SMYD3: variants seen among roughly 807,000 people sequenced by gnomAD.
SMYD3 encodes histone-lysine N-methyltransferase SMYD3.
A neutral mutation model predicts 57.7 loss-of-function variants in SMYD3; 36 were observed. The observed-to-expected ratio is 0.62, with a 90% confidence interval of 0.48 to 0.82. SMYD3 has a LOEUF of 0.82. Ranked by LOEUF, SMYD3 falls within the 40% of genes least tolerant of loss-of-function variation. The probability of loss-of-function intolerance (pLI) is 0.00; values close to 1 mark genes in which losing one functional copy is unlikely to be tolerated. For missense variants in SMYD3, 515 were observed against 538.8 expected (o/e 0.96, Z 0.44); for synonymous variants, 211 against 195.0 (o/e 1.08, Z -0.68).
chr1:245,786,216 G>T lies in SMYD3; in HGVS notation c.1077-22067C>A, dbSNP rs555385006. ...CTGAGTTGAGTTGGGGTGTGGACGG[G>T]GGGGGGATGGTGGCAACAGAATATT... On this transcript the variant is annotated intron_variant, in intron 10 of 11. Coordinates refer to ENST00000490107, the MANE Select transcript of SMYD3 (RefSeq NM_001167740.2). Among the ~76,000 whole-genome samples the T allele has an allele frequency of 4.1e-4, 57 of 138,422 alleles. 2 individuals carry two copies. The South Asian group carries it at 4.6e-3, about 11-fold the overall frequency. 90.8% of individuals were successfully genotyped at this position (138,422 alleles called of 152,430 possible). A position where few individuals can be genotyped will look rare whatever the true frequency, so the allele number is the denominator to read the frequency against.
rs754724096 is a variant in SMYD3 at position 246,101,071 on chromosome 1, GTTTTTT to G, written c.532-171140_532-171135del. Among the ~76,000 whole-genome samples, 18 of 54,120 alleles carry G rather than the reference GTTTTTT, an allele frequency of 3.3e-4. No homozygotes were observed. The South Asian group carries it at 0.011, about 32-fold the overall frequency. 35.5% of individuals were successfully genotyped at this position (54,120 alleles called of 152,430 possible). A position where few individuals can be genotyped will look rare whatever the true frequency, so the allele number is the denominator to read the frequency against. ...TAATATGTATTTTTAGGGGTTTTTT[GTTTTTT>G]TTTTTTTTTTTTTTTTTTTTTTTAC... is the stretch of plus-strand genomic sequence containing the variant. On this transcript the variant is annotated intron_variant, in intron 5 of 11. Coordinates refer to ENST00000490107, the MANE Select transcript of SMYD3 (RefSeq NM_001167740.2).
intron 1 of SMYD3, among the ~76,000 whole-genome samples, chr1:246,442,418 G>T (rs184196141): frequency 2.1e-4 from 32 of 151,930 alleles, no homozygotes; most frequent in African/African-American, 7.3e-4. Flanking sequence ...GCGTGGTGAC[G>T]CACACCTGTA....
Position 246,411,704 on chromosome 1 carries a change from TCTCAG to T in SMYD3, c.165-56615_165-56611del, listed in dbSNP as rs1302621572. Reference sequence around the variant, plus strand: ...CATGGATGAAGCTGGAAACCATCATTCTCAGCAATCTATCCCAAGGACAAAAAACC... The same window carrying T: ...CATGGATGAAGCTGGAAACCATCATTCAATCTATCCCAAGGACAAAAAACC... On this transcript the variant is annotated intron_variant, in intron 1 of 11. Coordinates refer to ENST00000490107, the MANE Select transcript of SMYD3 (RefSeq NM_001167740.2). Among the ~76,000 whole-genome samples, 13 of 151,890 alleles carry T rather than the reference TCTCAG, an allele frequency of 8.6e-5. No homozygotes were observed. The East Asian group carries it at 2.3e-3, about 27-fold the overall frequency.
At chr1:246,277,136 T>G (rs1169268951) in intron 5 of SMYD3, among the ~76,000 whole-genome samples, 2 of 152,208 alleles carry the variant, frequency 1.3e-5, no homozygotes, top group African/African-American at 4.8e-5. Flanking sequence ...ATTAAAAAGG[T>G]GTTATTTTGT....
intron 1 of SMYD3, chr1:246,426,044 G>C (rs2067212836): frequency 6.6e-6 from 1 of 152,058 alleles, no homozygotes; most frequent in African/African-American, 2.4e-5. Context: ...AGTGGAGAAA[G>C]ACTAGAACAA....
chr1:245,924,277 A>ATC (rs994415319), intron 7 of SMYD3, among the ~76,000 whole-genome samples: 16 of 152,264 alleles, frequency 1.1e-4, no homozygotes, highest in African/African-American at 3.6e-4. Context: ...GATATTACAC[A>ATC]TCTCTCTCTG....
chr1:246,270,494 T>C (rs1216065047), intron 5 of SMYD3, among the ~76,000 whole-genome samples: 1 of 152,202 alleles, frequency 6.6e-6, no homozygotes, highest in Non-Finnish European at 1.5e-5. Context: ...CTTTCTAGCC[T>C]CTGGCAATCA....
chr1:246,053,520 T>C (rs995981960), intron 5 of SMYD3, among the ~76,000 whole-genome samples: 5 of 152,232 alleles, frequency 3.3e-5, no homozygotes, highest in Middle Eastern at 6.8e-3. Context: ...ACATGGGCAA[T>C]TGATCTCCAA....
chr1:246,283,451 C>T (rs897586895), intron 5 of SMYD3, among the ~76,000 whole-genome samples: 1 of 152,166 alleles, frequency 6.6e-6, no homozygotes, highest in African/African-American at 2.4e-5. Flanking sequence ...CTAAACTGGG[C>T]TTTAAATGTG....
chr1:246,274,413 T>G (rs1326386849), intron 5 of SMYD3, among the ~76,000 whole-genome samples: 6 of 152,238 alleles, frequency 3.9e-5, no homozygotes. Flanking sequence ...AAAACACTGA[T>G]GTCAGCACAC....
chr1:245,915,431 G>GTCA (rs1047984320), intron 8 of SMYD3, 99 bp downstream of exon 8: 3 of 705,828 alleles, frequency 4.3e-6, no homozygotes, highest in Non-Finnish European at 7.6e-6. Flanking sequence ...CATGTACTGA[G>GTCA]GGTCATTACT....
intron 5 of SMYD3, among the ~76,000 whole-genome samples, chr1:245,967,177 A>G (rs574453969): frequency 5.3e-5 from 8 of 152,158 alleles, no homozygotes; most frequent in Admixed American, 1.3e-4. Context: ...TTCCATCACA[A>G]TTCTTATTCT....
intron 5 of SMYD3, among the ~76,000 whole-genome samples, chr1:245,977,246 AACT>A (rs1302044313): frequency 6.6e-6 from 1 of 152,200 alleles, no homozygotes; most frequent in East Asian, 1.9e-4. Flanking sequence ...AGAAAATTGA[AACT>A]TCTTCAAATG....
chr1:246,157,346 C>T (rs989118490), intron 5 of SMYD3, among the ~76,000 whole-genome samples: 4 of 152,106 alleles, frequency 2.6e-5, no homozygotes, highest in African/African-American at 9.7e-5. Context: ...CCTCTTGTCC[C>T]AGAGCCCACG....
chr1:246,506,330 A>C (rs913429568), intron 1 of SMYD3, among the ~76,000 whole-genome samples: 1 of 152,174 alleles, frequency 6.6e-6, no homozygotes, highest in Non-Finnish European at 1.5e-5. Context: ...CTTCACGTGA[A>C]TCCCTGCATC....
intron 5 of SMYD3, among the ~76,000 whole-genome samples, chr1:246,252,684 G>C (rs2063816302): frequency 6.6e-6 from 1 of 152,128 alleles, no homozygotes; most frequent in Admixed American, 6.5e-5. Flanking sequence ...TTACTGTAGG[G>C]ACTGTTATAT....
intron 1 of SMYD3, among the ~76,000 whole-genome samples, chr1:246,449,628 G>C (rs114019619): frequency 0.016 from 2,458 of 152,272 alleles, 63 homozygotes; most frequent in African/African-American, 0.057. Context: ...GCAAGTTCTA[G>C]AATCTCTTTG....
rs556068483 is a variant in SMYD3 at position 245,824,986 on chromosome 1, G to A, written c.1076+33510C>T. On this transcript the variant is annotated intron_variant, in intron 10 of 11. Transcript: ENST00000490107. ...GCAGAGGTTGCAGTCAGCCGAGATCGTGCCACTGCACTCCAGCCTGGGCAA... is the reference window on the plus strand; with the variant it reads ...GCAGAGGTTGCAGTCAGCCGAGATCATGCCACTGCACTCCAGCCTGGGCAA... 2.3e-3 allele frequency among the ~76,000 whole-genome samples: 343 copies of A among 152,152 alleles called. 1 individual carries two copies. Among genetic ancestry groups the A allele is most frequent in the Admixed American group, 5.4e-3 (82 of 15,274 alleles).
chr1:246,201,064 AAT>A (rs1208065846), intron 5 of SMYD3, among the ~76,000 whole-genome samples: 3 of 152,190 alleles, frequency 2.0e-5, no homozygotes, highest in East Asian at 3.8e-4. Context: ...ATTCAATCAA[AAT>A]ATGTTATTTG....
Sources: allele counts gnomAD v4.1 joint callset (sites outside exome capture counted in the v4.1 genomes callset), GRCh38; gene constraint gnomAD v4.1.1; transcripts MANE v1.5; gene names NCBI Gene and HGNC (gene_info 2026-07-23, HGNC 2026-07-21).